Variants in ANO6 observed in about 807,000 individuals in gnomAD.
ANO6 encodes anoctamin 6, also known as anoctamin-6.
Under a neutral mutation model 117.5 loss-of-function variants are expected in ANO6, and 106 were observed. That is an observed-to-expected ratio of 0.90 (90% CI 0.77 to 1.06). The LOEUF (loss-of-function observed/expected upper bound fraction) is 1.06, where lower values mean the gene tolerates loss of function less well. Ranked by LOEUF, ANO6 falls within the 50% of genes least tolerant of loss-of-function variation. The pLI, the probability that ANO6 is intolerant of heterozygous loss-of-function variation, is 0.00. For synonymous variants in ANO6, 367 were observed against 385.1 expected, an observed-to-expected ratio of 0.95 and a Z score of 0.55; for missense variants, 955 against 1,121.1, an observed-to-expected ratio of 0.85 and a Z score of 2.12.
intron 1 of ANO6, among the ~76,000 whole-genome samples, chr12:45,290,552 A>G (rs1939061262): frequency 6.6e-6 from 1 of 152,148 alleles, no homozygotes; most frequent in Admixed American, 6.5e-5. Context: ...GTCTTAGGAG[A>G]CCTGAACCAG....
At chr12:45,392,997 T>C (rs1942497408) in intron 12 of ANO6, among the ~76,000 whole-genome samples, 1 of 152,208 alleles carries the variant, frequency 6.6e-6, no homozygotes, top group South Asian at 2.1e-4. Flanking sequence ...AGAATGACTT[T>C]GACAAGTTGA....
intron 3 of ANO6, among the ~76,000 whole-genome samples, chr12:45,335,144 A>G (rs1234116608): frequency 6.6e-6 from 1 of 152,054 alleles, no homozygotes; most frequent in Admixed American, 6.6e-5. Flanking sequence ...GGAAGTATAT[A>G]TTTGTATTTC....
chr12:45,216,746 C>G (rs11612233), intron 1 of ANO6, among the ~76,000 whole-genome samples: 12,004 of 152,274 alleles, frequency 0.079, 1,102 homozygotes, highest in African/African-American at 0.22. Flanking sequence ...TAGGGTTGCC[C>G]AGGAGCCTCG....
At chr12:45,417,048 A>T in intron 17 of ANO6, 144 bp downstream of exon 17, 1 of 792,576 alleles carries the variant, frequency 1.3e-6, no homozygotes, top group South Asian at 1.7e-5. Context: ...TGCTATATAT[A>T]ACCACTTGTT....
intron 2 of ANO6, among the ~76,000 whole-genome samples, chr12:45,304,158 C>T (rs1210419816): frequency 6.6e-6 from 1 of 152,116 alleles, no homozygotes; most frequent in Non-Finnish European, 1.5e-5. Context: ...CAGTGTACTC[C>T]CAGTTCCACA....
At chr12:45,361,574 T>A (rs1213906881) in intron 8 of ANO6, among the ~76,000 whole-genome samples, 2 of 152,112 alleles carry the variant, frequency 1.3e-5, no homozygotes, top group African/African-American at 4.8e-5. Context: ...AATATAATGA[T>A]CTTAGGAGGA....
chr12:45,378,222 C>A, intron 10 of ANO6, 109 bp downstream of exon 10: 1 of 1,048,684 alleles, frequency 9.5e-7, no homozygotes, highest in Non-Finnish European at 1.4e-6. Flanking sequence ...CAGGCTTCAA[C>A]TCCCCTAGAA....
intron 1 of ANO6, among the ~76,000 whole-genome samples, chr12:45,253,093 C>T (rs1469125171): frequency 6.6e-6 from 1 of 152,034 alleles, no homozygotes; most frequent in Non-Finnish European, 1.5e-5. Flanking sequence ...TTAAACTGTC[C>T]CCCCTTGTTC....
chr12:45,350,006 G>A (rs1033997987), intron 6 of ANO6, among the ~76,000 whole-genome samples: 2 of 152,176 alleles, frequency 1.3e-5, no homozygotes, highest in Non-Finnish European at 2.9e-5. Context: ...TATTTGAGAG[G>A]GAGGTGTGTG....
intron 1 of ANO6, among the ~76,000 whole-genome samples, chr12:45,284,325 C>T (rs912467580): frequency 7.9e-6 from 1 of 127,200 alleles, no homozygotes; most frequent in African/African-American, 2.9e-5. Context: ...ACTTTATGGC[C>T]AGAATCTTAT....
intron 10 of ANO6, among the ~76,000 whole-genome samples, chr12:45,378,943 T>C (rs1942101319): frequency 6.6e-6 from 1 of 152,190 alleles, no homozygotes; most frequent in African/African-American, 2.4e-5. Flanking sequence ...ATATGGGAAC[T>C]TTACCACTAT....
intron 6 of ANO6, 34 bp from the exon 7 acceptor site, chr12:45,350,625 T>C: frequency 6.5e-7 from 1 of 1,527,020 alleles, no homozygotes; most frequent in South Asian, 1.1e-5. Flanking sequence ...AACACGATGA[T>C]TATGGTGCTT....
intron 3 of ANO6, among the ~76,000 whole-genome samples, chr12:45,345,303 C>T (rs1941099260): frequency 6.6e-6 from 1 of 152,124 alleles, no homozygotes; most frequent in Non-Finnish European, 1.5e-5. Flanking sequence ...TACTTTTTGA[C>T]CTTTGGTCTT....
intron 19 of ANO6, among the ~76,000 whole-genome samples, chr12:45,437,640 G>T (rs1349939184): frequency 2.6e-5 from 4 of 152,184 alleles, no homozygotes; most frequent in Admixed American, 2.6e-4. Flanking sequence ...CGCAATCTCG[G>T]CTCATTGCAA....
chr12:45,378,847 A>G lies in ANO6; in HGVS notation c.1165+734A>G, dbSNP rs78365749. On this transcript the variant is annotated intron_variant, in intron 10 of 19. Transcript: ENST00000320560. ...CTCATACACTTCTATGTGAGCGGAT[A>G]TTTAATGAGTATCTGCTACTCGTAT... Among the ~76,000 whole-genome samples, 1,203 of 152,304 alleles carry G rather than the reference A, an allele frequency of 7.9e-3. 23 individuals are homozygous for G. The highest frequency in any genetic ancestry group is 0.028 in the African/African-American group (1,155 of 41,562).
chr12:45,420,814 C>T (rs1452699431), intron 17 of ANO6, among the ~76,000 whole-genome samples: 1 of 151,818 alleles, frequency 6.6e-6, no homozygotes, highest in African/African-American at 2.4e-5. Context: ...AGTTCGAGAC[C>T]AGGAGTTCAA....
At chr12:45,385,575 G>C (rs1942276691) in intron 10 of ANO6, among the ~76,000 whole-genome samples, 1 of 152,066 alleles carries the variant, frequency 6.6e-6, no homozygotes, top group Non-Finnish European at 1.5e-5. Context: ...TCTCTTTGGG[G>C]AGTATCTGCC....
In ANO6 at chr12:45,430,791, TC is replaced by T. The variant is rs1214754853; in HGVS notation, c.*1482del. ...TTTATTGCCTTGTAAGTGTCAGGCC[TC>T]CTGGGCGCTCTGGAAAAGACAGGGA... On this transcript the variant is annotated 3_prime_UTR_variant, in exon 20 of 20. Transcript: ENST00000320560. The T allele has an allele frequency of 1.6e-5, 16 of 985,314 alleles. No individual in the cohort carries two copies. The highest frequency in any genetic ancestry group is 1.9e-5 in the Non-Finnish European group (16 of 829,992). 61.0% of individuals were successfully genotyped at this position (985,314 alleles called of 1,614,324 possible).
chr12:45,384,789 G>C (rs562129657), intron 10 of ANO6, among the ~76,000 whole-genome samples: 10 of 152,320 alleles, frequency 6.6e-5, no homozygotes, highest in African/African-American at 2.4e-4. Flanking sequence ...ACTAAAATGT[G>C]ACACAAAGTG....
Sources: allele counts gnomAD v4.1 joint callset (sites outside exome capture counted in the v4.1 genomes callset), GRCh38; gene constraint gnomAD v4.1.1; transcripts MANE v1.5; gene names NCBI Gene and HGNC (gene_info 2026-07-23, HGNC 2026-07-21).